The following CCDC171 variants were observed in gnomAD, a reference collection of about 807,000 sequenced individuals.
CCDC171 encodes coiled-coil domain containing 171, also known as coiled-coil domain-containing protein 171.
Under a neutral mutation model 168.2 loss-of-function variants are expected in CCDC171, and 177 were observed. The ratio of observed to expected loss-of-function variants is 1.05; its 90% CI spans 0.93 to 1.19. The LOEUF (loss-of-function observed/expected upper bound fraction) is 1.19. CCDC171 is among the 50% of genes most tolerant of loss of function. The pLI, the probability that CCDC171 is intolerant of heterozygous loss-of-function variation, is 0.00. For missense variants in CCDC171, 1,991 were observed against 1,539.0 expected (o/e 1.29, Z -4.91); for synonymous variants, 687 against 540.8 (o/e 1.27, Z -3.75).
At chr9:15,568,521 T>A (rs200182148) in intron 2 of CCDC171, among the ~76,000 whole-genome samples, 2 of 152,190 alleles carry the variant, frequency 1.3e-5, no homozygotes, top group Admixed American at 6.5e-5. Context: ...CCACCCGCCT[T>A]GGCCTCCCAA....
chr9:15,898,881 T>C (rs932679483), intron 24 of CCDC171, among the ~76,000 whole-genome samples: 11 of 152,154 alleles, frequency 7.2e-5, no homozygotes, highest in Non-Finnish European at 1.3e-4. Context: ...TTTTCATGTG[T>C]ATATTTGTAT....
At chr9:15,758,406 A>G (rs2056257339) in intron 18 of CCDC171, among the ~76,000 whole-genome samples, 1 of 152,094 alleles carries the variant, frequency 6.6e-6, no homozygotes, top group Admixed American at 6.5e-5. Flanking sequence ...GAATGGCTGT[A>G]TTTACCCAAT....
intron 21 of CCDC171, among the ~76,000 whole-genome samples, chr9:15,837,449 C>T (rs78495276): frequency 6.6e-6 from 1 of 152,004 alleles, no homozygotes; most frequent in Non-Finnish European, 1.5e-5. Flanking sequence ...ACACATACAC[C>T]CTTATACAGG....
At position 15,602,722 on chromosome 9, in the gene CCDC171, C is replaced by T. The variant is rs1014963333; in HGVS notation, c.675+8550C>T. Among the ~76,000 whole-genome samples the T allele has an allele frequency of 3.2e-4, 44 of 138,382 alleles. 1 individual carries two copies. The highest frequency in any genetic ancestry group is 1.4e-3 in the Admixed American group (18 of 12,780). The allele number at this position is 138,382 out of a possible 152,430, so 90.8% of individuals were successfully genotyped here. On this transcript the variant is annotated intron_variant, in intron 6 of 25. Coordinates refer to ENST00000380701, the MANE Select transcript of CCDC171 (RefSeq NM_173550.4). Reference sequence around the variant, plus strand: ...CCAGGCTGGAGTGCAGTGATGTGATCTCGGCTCACTGCAACCTCTCCGCCT... The same window carrying T: ...CCAGGCTGGAGTGCAGTGATGTGATTTCGGCTCACTGCAACCTCTCCGCCT...
intron 6 of CCDC171, among the ~76,000 whole-genome samples, chr9:15,595,164 A>G (rs1289407610): frequency 6.6e-6 from 1 of 152,020 alleles, no homozygotes; most frequent in East Asian, 1.9e-4. Flanking sequence ...TTTTTTAATT[A>G]TACTTTAAGT....
chr9:16,068,086 G>C, the CCDC171 span, among the ~76,000 whole-genome samples: 1 of 149,366 alleles, frequency 6.7e-6, no homozygotes, highest in African/African-American at 2.5e-5. Context: ...ATCTCCTTAA[G>C]CTGATAAGCA....
intron 21 of CCDC171, among the ~76,000 whole-genome samples, chr9:15,789,884 G>A (rs10962161): frequency 0.37 from 55,938 of 151,718 alleles, 12,776 homozygotes; most frequent in East Asian, 0.65. Flanking sequence ...AGTTTGCTGA[G>A]AATGATGGTT....
intron 18 of CCDC171, among the ~76,000 whole-genome samples, chr9:15,773,740 A>T (rs918404931): frequency 6.6e-6 from 1 of 152,034 alleles, no homozygotes; most frequent in Non-Finnish European, 1.5e-5. Context: ...ATATAGAATG[A>T]ATTGCACTCT....
intron 19 of CCDC171, among the ~76,000 whole-genome samples, chr9:15,778,142 A>G (rs915565927): frequency 6.6e-5 from 10 of 150,424 alleles, no homozygotes; most frequent in African/African-American, 2.2e-4. Flanking sequence ...CTAAAAATAC[A>G]AAAAATTAGC....
intron 9 of CCDC171, among the ~76,000 whole-genome samples, chr9:15,671,226 G>T (rs1456668992): frequency 6.6e-6 from 1 of 151,956 alleles, no homozygotes; most frequent in African/African-American, 2.4e-5. Flanking sequence ...TAACAGAACC[G>T]AAAGTCTCTC....
intron 24 of CCDC171, among the ~76,000 whole-genome samples, chr9:15,912,532 C>G (rs375295882): frequency 6.8e-4 from 104 of 152,076 alleles, no homozygotes; most frequent in African/African-American, 2.3e-3. Context: ...ATTTGAATAC[C>G]CTTTATTTCT....
intron 1 of CCDC171, among the ~76,000 whole-genome samples, chr9:16,059,583 C>T (rs1289486714): frequency 2.1e-5 from 3 of 141,262 alleles, no homozygotes; most frequent in Non-Finnish European, 3.0e-5. Flanking sequence ...GGCGCAATCT[C>T]GGCTCACTGC....
At chr9:16,009,806 C>A (rs1005552202) in intron 3 of CCDC171, among the ~76,000 whole-genome samples, 4 of 151,954 alleles carry the variant, frequency 2.6e-5, no homozygotes, top group Non-Finnish European at 5.9e-5. Flanking sequence ...TTTAACAAAA[C>A]ATATTTTATT....
intron 3 of CCDC171, among the ~76,000 whole-genome samples, chr9:15,982,397 C>G (rs975151253): frequency 1.3e-5 from 2 of 152,142 alleles, no homozygotes; most frequent in Non-Finnish European, 2.9e-5. Context: ...ACCTTCTCTA[C>G]TGAGCTCTTG....
chr9:15,682,313 T>C (rs1482080760), intron 10 of CCDC171, among the ~76,000 whole-genome samples: 1 of 152,024 alleles, frequency 6.6e-6, no homozygotes, highest in East Asian at 1.9e-4. Context: ...AAAGTCTTAA[T>C]AAACCAGTTG....
At chr9:15,765,132 A>G (rs2056652466) in intron 18 of CCDC171, among the ~76,000 whole-genome samples, 1 of 152,234 alleles carries the variant, frequency 6.6e-6, no homozygotes, top group South Asian at 2.1e-4. Context: ...TTGGCAAGAT[A>G]GAGATAACTG....
rs1410204054 is a variant in CCDC171 at position 15,847,874 on chromosome 9, T to C, written c.3414-1019T>C. 3.9e-5 allele frequency among the ~76,000 whole-genome samples: 6 copies of C among 152,220 alleles called. No homozygotes were observed. In the East Asian group the frequency reaches 5.8e-4, roughly 15 times the overall value. ...CATGAATTGACACAAGGCCAAAATG[T>C]TGGCATGTTTGAATAACCACTGATA... is the stretch of plus-strand genomic sequence containing the variant. On this transcript the variant is annotated intron_variant, in intron 22 of 25. Transcript: ENST00000380701.
At chr9:15,987,560 C>G (rs1420032049) in intron 3 of CCDC171, among the ~76,000 whole-genome samples, 2 of 152,084 alleles carry the variant, frequency 1.3e-5, no homozygotes, top group Non-Finnish European at 2.9e-5. Context: ...TTGACTGTAG[C>G]CTTGTTGGCA....
chr9:15,812,253 T>C (rs1204438787), intron 21 of CCDC171, among the ~76,000 whole-genome samples: 2 of 152,212 alleles, frequency 1.3e-5, no homozygotes, highest in Admixed American at 6.5e-5. Context: ...CTTAGATGGC[T>C]TCAAGGAAAC....
Sources: allele counts gnomAD v4.1 joint callset (sites outside exome capture counted in the v4.1 genomes callset), GRCh38; gene constraint gnomAD v4.1.1; transcripts MANE v1.5; gene names NCBI Gene and HGNC (gene_info 2026-07-23, HGNC 2026-07-21).